The following NPAS3 variants were observed in gnomAD, a reference collection of about 807,000 sequenced individuals.
NPAS3 encodes neuronal PAS domain protein 3, also known as neuronal PAS domain-containing protein 3.
In NPAS3, 14 loss-of-function variants were observed where a neutral mutation model predicts 73.1. The observed-to-expected ratio is 0.19, with a 90% CI of 0.13 to 0.30. NPAS3 has a LOEUF of 0.30. NPAS3 is among the 10% of genes least tolerant of loss of function. The pLI is 1.00. For synonymous variants in NPAS3, 620 were observed against 541.5 expected (o/e 1.14, Z -2.01); for missense variants, 1,096 against 1,250.0 (o/e 0.88, Z 1.86).
chr14:33,164,807 C>G (rs1029698775), intron 2 of NPAS3, among the ~76,000 whole-genome samples: 3 of 151,760 alleles, frequency 2.0e-5, no homozygotes. Context: ...TCTCAGAACC[C>G]CATTGCTTCT....
intron 7 of NPAS3, among the ~76,000 whole-genome samples, chr14:33,757,918 C>T (rs779487471): frequency 4.6e-5 from 7 of 152,206 alleles, no homozygotes; most frequent in Admixed American, 2.0e-4. Flanking sequence ...TGATCACACA[C>T]TTGTCAGGTC....
At chr14:33,457,197 T>C (rs1413841057) in intron 4 of NPAS3, among the ~76,000 whole-genome samples, 1 of 152,236 alleles carries the variant, frequency 6.6e-6, no homozygotes, top group Non-Finnish European at 1.5e-5. Context: ...AAAAGTGTTC[T>C]GTATCCTGGA....
At chr14:33,646,602 A>G (rs1427626678) in intron 5 of NPAS3, among the ~76,000 whole-genome samples, 2 of 152,210 alleles carry the variant, frequency 1.3e-5, no homozygotes, top group Non-Finnish European at 1.5e-5. Flanking sequence ...TGGATAAAAC[A>G]TAGGTATCTT....
At chr14:32,954,181 T>C (rs530210509) in intron 1 of NPAS3, among the ~76,000 whole-genome samples, 1 of 152,320 alleles carries the variant, frequency 6.6e-6, no homozygotes, top group South Asian at 2.1e-4. Context: ...GCATTAATCA[T>C]GTGATGGAGT....
intron 1 of NPAS3, among the ~76,000 whole-genome samples, chr14:32,973,016 C>T (rs1196796846): frequency 6.6e-6 from 1 of 152,140 alleles, no homozygotes; most frequent in African/African-American, 2.4e-5. Context: ...GGTCACATTG[C>T]CTTCTTTCTT....
intron 4 of NPAS3, among the ~76,000 whole-genome samples, chr14:33,417,831 C>G (rs1328936802): frequency 6.6e-6 from 1 of 151,952 alleles, no homozygotes; most frequent in Non-Finnish European, 1.5e-5. Flanking sequence ...AGAAATAACT[C>G]TATTCTTATA....
At chr14:33,613,593 C>G (rs1390906298) in intron 5 of NPAS3, among the ~76,000 whole-genome samples, 1 of 152,062 alleles carries the variant, frequency 6.6e-6, no homozygotes, top group African/African-American at 2.4e-5. Flanking sequence ...CAGCCCCATC[C>G]TTCGGTGTTC....
intron 5 of NPAS3, among the ~76,000 whole-genome samples, chr14:33,656,631 A>G (rs1225793297): frequency 6.6e-6 from 1 of 152,188 alleles, no homozygotes; most frequent in Non-Finnish European, 1.5e-5. Context: ...TTTGATATAC[A>G]TATTCATAAT....
intron 4 of NPAS3, among the ~76,000 whole-genome samples, chr14:33,544,825 A>ATATATATAAAATATATATATATATAAT: frequency 8.9e-6 from 1 of 112,188 alleles, no homozygotes; most frequent in African/African-American, 4.1e-5. Flanking sequence ...TATATAATAT[A>ATATATATAAAATATATATATATATAAT]TATGTGTATA....
At chr14:33,664,612 G>A (rs561065705) in intron 5 of NPAS3, among the ~76,000 whole-genome samples, 91 of 152,212 alleles carry the variant, frequency 6.0e-4, no homozygotes, top group Non-Finnish European at 1.0e-3. Flanking sequence ...TTTGCAATCT[G>A]TCCATCTGAC....
At chr14:33,739,621 C>G (rs1056047306) in intron 7 of NPAS3, among the ~76,000 whole-genome samples, 2 of 152,106 alleles carry the variant, frequency 1.3e-5, no homozygotes, top group Admixed American at 6.6e-5. Context: ...GAAATTTTAA[C>G]AGATTTGTTT....
intron 1 of NPAS3, among the ~76,000 whole-genome samples, chr14:32,965,058 G>A (rs146144069): frequency 2.2e-4 from 33 of 152,262 alleles, no homozygotes; most frequent in African/African-American, 7.9e-4. Context: ...CAAGTAACAA[G>A]ATTGAATCAG....
intron 2 of NPAS3, among the ~76,000 whole-genome samples, chr14:33,089,121 C>G (rs981223884): frequency 6.6e-6 from 1 of 152,036 alleles, no homozygotes; most frequent in Non-Finnish European, 1.5e-5. Context: ...CGCAGCTGCT[C>G]GCCAGCAATG....
At chr14:33,598,707 G>C (rs1175216409) in intron 5 of NPAS3, among the ~76,000 whole-genome samples, 1 of 152,128 alleles carries the variant, frequency 6.6e-6, no homozygotes, top group African/African-American at 2.4e-5. Context: ...TGTGGCCGAT[G>C]GCTGCATTAT....
intron 1 of NPAS3, among the ~76,000 whole-genome samples, chr14:32,983,522 A>T (rs2037981766): frequency 6.6e-6 from 1 of 152,048 alleles, no homozygotes; most frequent in Admixed American, 6.6e-5. Flanking sequence ...TTAAGTGCAA[A>T]ATTTCCCTTT....
At chr14:33,721,600 T>C (rs546303360) in intron 6 of NPAS3, among the ~76,000 whole-genome samples, 46 of 152,304 alleles carry the variant, frequency 3.0e-4, no homozygotes, top group African/African-American at 1.0e-3. Context: ...GCACAATGAA[T>C]CGAAAATATT....
intron 2 of NPAS3, among the ~76,000 whole-genome samples, chr14:33,199,629 TCTTTCCTCCTTACCTTC>T (rs144751710): frequency 0.14 from 20,505 of 151,418 alleles, 1,898 homozygotes; most frequent in Non-Finnish European, 0.22. Context: ...TGTATCTGTT[TCTTTCCTCCTTACCTTC>T]CTTTCCTCCT....
At position 32,973,592 on chromosome 14, in the gene NPAS3, A is replaced by G. The variant is rs554175532; in HGVS notation, c.50+34226A>G. Among the ~76,000 whole-genome samples the G allele has an allele frequency of 2.7e-4, 40 of 148,986 alleles. No homozygotes were observed. In the East Asian group the frequency reaches 6.9e-3, roughly 26 times the overall value. On this transcript the variant is annotated intron_variant, in intron 1 of 11. Coordinates refer to ENST00000356141, the Ensembl canonical transcript of NPAS3. ...GCTCTGTTGCCCAGGGTGGAATGCA[A>G]TGATGCTATCTTGGCTCACTGCAAC... is the stretch of plus-strand genomic sequence containing the variant.
chr14:33,780,557 A>AT, intron 9 of NPAS3: 1 of 426,216 alleles, frequency 2.3e-6, no homozygotes, highest in Non-Finnish European at 4.6e-6. Context: ...CAAAAAAAAA[A>AT]GAACTTTGTC....
Sources: gnomAD v4.1 joint callset for allele counts (sites outside exome capture counted in the v4.1 genomes callset) on GRCh38, gnomAD v4.1.1 for gene constraint, MANE v1.5 for transcripts, NCBI Gene and HGNC (gene_info 2026-07-23, HGNC 2026-07-21) for gene names.